The following NCAM2 variants were observed in gnomAD, a reference collection of about 807,000 sequenced individuals.
NCAM2 encodes N-CAM-2.
In NCAM2, 30 loss-of-function variants were observed where a neutral mutation model predicts 98.1. The observed-to-expected ratio is 0.31, with a 90% CI of 0.23 to 0.41. The LOEUF (loss-of-function observed/expected upper bound fraction) is 0.41. NCAM2 is among the 10% of genes least tolerant of loss of function. The probability of loss-of-function intolerance (pLI) is 1.00; values close to 1 mark genes in which losing one functional copy is unlikely to be tolerated. For missense variants in NCAM2, 867 were observed against 1,005.8 expected (o/e 0.86, Z 1.87); for synonymous variants, 368 against 342.4 (o/e 1.07, Z -0.83).
At chr21:21,315,067 CT>C (rs1250943322) in intron 5 of NCAM2, among the ~76,000 whole-genome samples, 2 of 151,818 alleles carry the variant, frequency 1.3e-5, no homozygotes, top group Admixed American at 6.6e-5. Context: ...AAAATGCTCA[CT>C]TTTTTTGTTG....
chr21:21,473,531 G>A (rs989353929), intron 14 of NCAM2, among the ~76,000 whole-genome samples: 9 of 151,184 alleles, frequency 6.0e-5, no homozygotes, highest in Non-Finnish European at 1.2e-4. Context: ...TCCAGGAACC[G>A]GGAACTGCTT....
intron 5 of NCAM2, among the ~76,000 whole-genome samples, chr21:21,301,093 G>T (rs994206447): frequency 4.0e-5 from 6 of 151,830 alleles, no homozygotes; most frequent in Admixed American, 6.6e-5. Flanking sequence ...TTTGTTTTTT[G>T]CTTGATGATC....
At chr21:21,369,223 T>C (rs545136109) in intron 8 of NCAM2, among the ~76,000 whole-genome samples, 4 of 152,020 alleles carry the variant, frequency 2.6e-5, no homozygotes, top group Admixed American at 2.0e-4. Context: ...TATTCAATAC[T>C]AGTCCTTTGT....
intron 1 of NCAM2, among the ~76,000 whole-genome samples, chr21:21,131,656 T>C (rs1182207122): frequency 6.6e-6 from 1 of 152,224 alleles, no homozygotes; most frequent in East Asian, 1.9e-4. Context: ...AGAATAATAT[T>C]GTATTTTTTA....
intron 8 of NCAM2, among the ~76,000 whole-genome samples, chr21:21,372,305 G>A (rs1191880874): frequency 6.6e-6 from 1 of 151,656 alleles, no homozygotes. Context: ...TTCTTAAACT[G>A]ACCTTCTAGA....
At chr21:21,486,569 T>G (rs1405825649) in intron 15 of NCAM2, among the ~76,000 whole-genome samples, 2 of 152,180 alleles carry the variant, frequency 1.3e-5, no homozygotes, top group Admixed American at 6.5e-5. Context: ...CTCCAGAAAC[T>G]GTTTTTTACA....
chr21:21,393,775 A>G (rs1442893314), intron 9 of NCAM2, among the ~76,000 whole-genome samples: 1 of 152,188 alleles, frequency 6.6e-6, no homozygotes, highest in African/African-American at 2.4e-5. Flanking sequence ...ATACTTAAAA[A>G]TGATACAGCT....
At chr21:21,041,414 G>A (rs896849285) in intron 1 of NCAM2, among the ~76,000 whole-genome samples, 1 of 152,190 alleles carries the variant, frequency 6.6e-6, no homozygotes, top group African/African-American at 2.4e-5. Context: ...GTGACAGAAG[G>A]TGGGCAGACA....
intron 1 of NCAM2, among the ~76,000 whole-genome samples, chr21:21,139,094 C>T (rs2067117110): frequency 6.6e-6 from 1 of 152,030 alleles, no homozygotes; most frequent in Non-Finnish European, 1.5e-5. Flanking sequence ...AGAGAGAATC[C>T]CGGATTCTCT....
chr21:21,212,951 A>G (rs1447700518), intron 1 of NCAM2, among the ~76,000 whole-genome samples: 3 of 151,934 alleles, frequency 2.0e-5, no homozygotes, highest in African/African-American at 4.8e-5. Flanking sequence ...CATGTTAGCC[A>G]GGATGGTCTC....
chr21:21,486,769 T>C (rs994769740), intron 15 of NCAM2, among the ~76,000 whole-genome samples: 1 of 152,178 alleles, frequency 6.6e-6, no homozygotes, highest in African/African-American at 2.4e-5. Flanking sequence ...CACTAAGTGA[T>C]ATAAAGAACA....
intron 14 of NCAM2, 68 bp downstream of exon 14, chr21:21,468,851 A>AAT: frequency 7.1e-7 from 1 of 1,413,028 alleles, no homozygotes; most frequent in Non-Finnish European, 9.8e-7. Context: ...CACTGAATTT[A>AAT]TAAACATATC....
intron 16 of NCAM2, among the ~76,000 whole-genome samples, chr21:21,521,945 A>G (rs2146390662): frequency 6.6e-6 from 1 of 151,274 alleles, no homozygotes; most frequent in South Asian, 2.1e-4. Context: ...TCAAACATGT[A>G]AAAAGAAAAT....
intron 1 of NCAM2, among the ~76,000 whole-genome samples, chr21:21,029,389 G>A (rs1250800146): frequency 6.6e-6 from 1 of 152,092 alleles, no homozygotes; most frequent in Non-Finnish European, 1.5e-5. Context: ...GACCAGAATG[G>A]CAAGTAGTTT....
chr21:21,372,145 CAATTAA>C (rs2075932406), intron 8 of NCAM2, among the ~76,000 whole-genome samples: 1 of 151,608 alleles, frequency 6.6e-6, no homozygotes, highest in Non-Finnish European at 1.5e-5. Context: ...AATTGTTTGA[CAATTAA>C]AATTGTCAAC....
At chr21:21,045,751 G>A (rs1403694688) in intron 1 of NCAM2, among the ~76,000 whole-genome samples, 1 of 152,122 alleles carries the variant, frequency 6.6e-6, no homozygotes, top group African/African-American at 2.4e-5. Flanking sequence ...TATTTAAATG[G>A]GAAATAATTA....
chr21:21,033,470 C>T (rs1337682329), intron 1 of NCAM2, among the ~76,000 whole-genome samples: 1 of 151,992 alleles, frequency 6.6e-6, no homozygotes, highest in African/African-American at 2.4e-5. Flanking sequence ...CAAAGAAGGT[C>T]CAGATGGTGG....
intron 5 of NCAM2, among the ~76,000 whole-genome samples, chr21:21,322,372 C>T (rs1215031988): frequency 6.6e-6 from 1 of 152,054 alleles, no homozygotes; most frequent in Non-Finnish European, 1.5e-5. Flanking sequence ...ATCTGGATGA[C>T]AGAACCACCT....
At chr21:21,236,869 A>T (rs1039404148) in intron 1 of NCAM2, among the ~76,000 whole-genome samples, 8 of 152,130 alleles carry the variant, frequency 5.3e-5, no homozygotes, top group Non-Finnish European at 8.8e-5. Context: ...GGAACAAAAT[A>T]ATCTTTAAGC....
Sources: gnomAD v4.1 joint callset for allele counts (sites outside exome capture counted in the v4.1 genomes callset) on GRCh38, gnomAD v4.1.1 for gene constraint, MANE v1.5 for transcripts, NCBI Gene and HGNC (gene_info 2026-07-23, HGNC 2026-07-21) for gene names.